NBPF20: variants seen among roughly 807,000 people sequenced by gnomAD.
NBPF20 encodes NBPF family member NBPF20.
In NBPF20, 90 loss-of-function variants were observed where a neutral mutation model predicts 68.1. The observed-to-expected ratio is 1.32, with a 90% CI of 1.11 to 1.58. The LOEUF is 1.58. NBPF20 is among the 40% of genes most tolerant of loss of function. The probability of loss-of-function intolerance (pLI) is 0.00; values close to 1 mark genes in which losing one functional copy is unlikely to be tolerated. For synonymous variants in NBPF20, 290 were observed against 228.1 expected (o/e 1.27, Z -2.45); for missense variants, 816 against 601.2 (o/e 1.36, Z -3.74).
intron 137 of NBPF20, among the ~76,000 whole-genome samples, chr1:145,292,077 C>A (rs1262258035): frequency 6.7e-6 from 1 of 149,438 alleles, no homozygotes; most frequent in East Asian, 1.9e-4. Context: ...TCATGACACA[C>A]AGCAAACTGT....
rs2101570079 is a variant in NBPF20 at position 145,400,399 on chromosome 1, G to T, written c.762C>A (p.His254Gln). 2.5e-6 allele frequency: 4 copies of T among 1,612,846 alleles called. No individual in the cohort carries two copies. The East Asian group carries it at 8.9e-5, about 36-fold the overall frequency. Residue 254 changes from histidine (H) to glutamine (Q), a missense_variant, in exon 6 of 138, where the codon CAC (histidine) becomes CAA (glutamine). Physicochemically the swap from His to Gln is conservative, Grantham distance 24. Coordinates refer to ENST00000369373, the Ensembl canonical transcript of NBPF20. ...GAAAACAGAGGCTACCTGGAATAAT[G>T]TGTACAGCATCCTCCCATTCAACAT...
upstream of NBPF20, chr1:145,407,715 C>A (rs587660074): frequency 6.5e-6 from 1 of 152,920 alleles, no homozygotes; most frequent in South Asian, 1.9e-4. Context: ...CAGGCGGCCC[C>A]AGCAGCAGTG....
chr1:145,393,748 G>A (rs1259124100), intron 9 of NBPF20, 136 bp downstream of exon 14: 14 of 1,513,990 alleles, frequency 9.2e-6, no homozygotes, highest in East Asian at 4.5e-5. Flanking sequence ...ATGAGAACCA[G>A]AAAGCAATGT....
the NBPF20 span, among the ~76,000 whole-genome samples, chr1:145,422,306 C>A: frequency 6.7e-6 from 1 of 150,030 alleles, no homozygotes; most frequent in African/African-American, 2.5e-5. Flanking sequence ...TAATTCAAGT[C>A]ACAATGAACA....
At chr1:145,290,254 A>T (rs1340875225) in exon 138 of NBPF20, 6 of 148,998 alleles carry the variant, frequency 4.0e-5, no homozygotes, top group Admixed American at 4.0e-4. Flanking sequence ...TACTCTTGAA[A>T]ACCGCTTTCC....
chr1:145,423,246 C>T, the NBPF20 span, among the ~76,000 whole-genome samples: 1 of 151,328 alleles, frequency 6.6e-6, no homozygotes, highest in Admixed American at 6.6e-5. Flanking sequence ...CCAGACCAGC[C>T]TATGCAATGT....
intron 83 of NBPF20, among the ~76,000 whole-genome samples, 188 bp downstream of exon 88, chr1:145,335,054 T>G (rs1473328583): frequency 7.8e-4 from 52 of 66,494 alleles, no homozygotes; most frequent in Non-Finnish European, 6.3e-4. Context: ...TATAGTAAGT[T>G]AGTAAATGAT....
intron 136 of NBPF20, 35 bp from the exon 142 acceptor site, chr1:145,292,524 G>C (rs782552702): frequency 1.5e-6 from 1 of 686,764 alleles, no homozygotes; most frequent in East Asian, 2.5e-5. Context: ...GACACATTAA[G>C]CTGATTCCCC....
rs1216703823 is a variant in NBPF20 at position 145,291,358 on chromosome 1, G to C, written c.*168C>G. 1.7e-5 allele frequency: 25 copies of C among 1,473,526 alleles called. 1 individual carries two copies. In the South Asian group the frequency reaches 1.7e-4, roughly 10 times the overall value. The allele number at this position is 1,473,526 out of a possible 1,614,324, so 91.3% of individuals were successfully genotyped here. The stretch of plus-strand genomic sequence containing the variant: ...ACCTAACGTGGGTCCATTGTCTTCA[G>C]ACTGAGCACAGGTTGCCACTGGCAT... On this transcript the variant is annotated 3_prime_UTR_variant, in exon 138 of 138. Coordinates refer to ENST00000369373, the Ensembl canonical transcript of NBPF20.
At position 145,311,986 on chromosome 1, in the gene NBPF20, G is replaced by A. The variant is rs1432910950; in HGVS notation, c.13660+222C>T. ...AACGTCATGAGAGTAGGATTAGGGCGCCACAGGCATGGCCTGAGACTAGGA... is the reference window on the plus strand; with the variant it reads ...AACGTCATGAGAGTAGGATTAGGGCACCACAGGCATGGCCTGAGACTAGGA... On this transcript the variant is annotated intron_variant, in intron 112 of 137. Transcript: ENST00000369373. 1.2e-3 allele frequency among the ~76,000 whole-genome samples: 95 copies of A among 78,392 alleles called. 1 individual carries two copies. Among genetic ancestry groups the A allele is most frequent in the East Asian group, 8.4e-3 (21 of 2,500 alleles). The allele number at this position is 78,392 out of a possible 152,430, so 51.4% of individuals were successfully genotyped here. A position where few individuals can be genotyped will look rare whatever the true frequency, so the allele number is the denominator to read the frequency against.
At chr1:145,407,572 CGT>C (rs1245357000), upstream of NBPF20, among the ~76,000 whole-genome samples, 2 of 145,592 alleles carry the variant, frequency 1.4e-5, no homozygotes, top group South Asian at 2.1e-4. Context: ...ATATATAACA[CGT>C]GTATATATAT....
chr1:145,424,081 T>TC, the NBPF20 span, among the ~76,000 whole-genome samples: 1 of 145,324 alleles, frequency 6.9e-6, no homozygotes, highest in Non-Finnish European at 1.5e-5. Flanking sequence ...GCTCTGGTGA[T>TC]CCTCCCACCT....
chr1:145,403,175 A>G, intron 3 of NBPF20, 41 bp downstream of exon 8: 8 of 1,611,126 alleles, frequency 5.0e-6, no homozygotes, highest in South Asian at 1.1e-5. Context: ...TCAGAGATTT[A>G]CACACCTGCC....
chr1:145,410,565 G>C (rs1160820030), upstream of NBPF20, among the ~76,000 whole-genome samples: 2 of 150,598 alleles, frequency 1.3e-5, no homozygotes, highest in African/African-American at 4.9e-5. Context: ...CGCCCGCCTC[G>C]GCCTCCCAAA....
At chr1:145,394,454 G>A (rs1454175237) in intron 8 of NBPF20, among the ~76,000 whole-genome samples, 3 of 152,140 alleles carry the variant, frequency 2.0e-5, no homozygotes, top group Admixed American at 6.5e-5. Flanking sequence ...CCAGGAACAT[G>A]ATGGACAGAT....
upstream of NBPF20, among the ~76,000 whole-genome samples, chr1:145,406,618 A>G (rs1571380731): frequency 6.7e-6 from 1 of 150,328 alleles, no homozygotes; most frequent in South Asian, 2.1e-4. Flanking sequence ...TCAGTCTTTT[A>G]AACTATGCCA....
intron 43 of NBPF20, among the ~76,000 whole-genome samples, chr1:145,366,601 CA>C (rs1661701023): frequency 1.0e-5 from 1 of 96,024 alleles, no homozygotes; most frequent in African/African-American, 4.4e-5. Context: ...GACACACACA[CA>C]CACACAGAGA....
chr1:145,412,542 C>A, the NBPF20 span, among the ~76,000 whole-genome samples: 1 of 151,928 alleles, frequency 6.6e-6, no homozygotes, highest in Non-Finnish European at 1.5e-5. Flanking sequence ...AAATTTAAGC[C>A]TAATGCAGTA....
chr1:145,292,661 T>C (rs1451405177), intron 136 of NBPF20, among the ~76,000 whole-genome samples, 172 bp from the exon 142 acceptor site: 1 of 147,354 alleles, frequency 6.8e-6, no homozygotes, highest in African/African-American at 2.7e-5. Context: ...ACTTCCTCGG[T>C]TTTTCTCCCA....
Sources: allele counts gnomAD v4.1 joint callset (sites outside exome capture counted in the v4.1 genomes callset), GRCh38; gene constraint gnomAD v4.1.1; transcripts MANE v1.5; gene names NCBI Gene and HGNC (gene_info 2026-07-23, HGNC 2026-07-21).